Variants in TAFA2 observed in about 807,000 individuals in gnomAD.
TAFA2 encodes the protein chemokine-like protein TAFA-2.
A neutral mutation model predicts 18.8 loss-of-function variants in TAFA2; 7 were observed. The ratio of observed to expected loss-of-function variants is 0.37; its 90% CI spans 0.21 to 0.70. The LOEUF (loss-of-function observed/expected upper bound fraction) is 0.70. TAFA2 is among the 30% of genes least tolerant of loss of function. The pLI is 0.53. For synonymous variants in TAFA2, 60 were observed against 54.2 expected, an observed-to-expected ratio of 1.11 and a Z score of -0.47; for missense variants, 122 against 158.1, an observed-to-expected ratio of 0.77 and a Z score of 1.23.
chr12:62,212,747 C>T (rs760278603), intron 1 of TAFA2, among the ~76,000 whole-genome samples: 16 of 152,058 alleles, frequency 1.1e-4, no homozygotes, highest in Non-Finnish European at 2.2e-4. Context: ...ATTTGGCATT[C>T]TAAATTATCA....
At chr12:61,909,760 A>G (rs1342348530) in intron 1 of TAFA2, among the ~76,000 whole-genome samples, 1 of 152,172 alleles carries the variant, frequency 6.6e-6, no homozygotes. Context: ...ACAAATTAAG[A>G]GGCACCACAA....
chr12:61,809,247 A>G (rs950442923), intron 2 of TAFA2, among the ~76,000 whole-genome samples: 2 of 151,552 alleles, frequency 1.3e-5, no homozygotes, highest in African/African-American at 4.9e-5. Context: ...AGGCAAAATT[A>G]TTGAGCCATT....
chr12:61,819,965 T>A (rs1872251556), intron 2 of TAFA2, among the ~76,000 whole-genome samples: 1 of 152,112 alleles, frequency 6.6e-6, no homozygotes, highest in Admixed American at 6.6e-5. Flanking sequence ...TGTAGAATAA[T>A]AATGAAATTT....
intron 4 of TAFA2, among the ~76,000 whole-genome samples, chr12:61,731,066 G>A (rs1252745348): frequency 3.0e-4 from 46 of 152,216 alleles, no homozygotes; most frequent in South Asian, 1.9e-3. Context: ...GTGAGATAAA[G>A]TCAGAAATGG....
chr12:61,973,307 C>A (rs974656339), intron 1 of TAFA2, among the ~76,000 whole-genome samples: 1 of 151,292 alleles, frequency 6.6e-6, no homozygotes, highest in Non-Finnish European at 1.5e-5. Context: ...CATTTCATAT[C>A]ATATTTTAAT....
intron 1 of TAFA2, among the ~76,000 whole-genome samples, chr12:62,119,140 G>A (rs1039623917): frequency 1.3e-5 from 2 of 151,906 alleles, no homozygotes; most frequent in African/African-American, 4.8e-5. Flanking sequence ...CTAGTGTCAT[G>A]TTTTCATAGA....
At chr12:61,860,462 C>T (rs1052250640) in intron 2 of TAFA2, among the ~76,000 whole-genome samples, 20 of 152,100 alleles carry the variant, frequency 1.3e-4, no homozygotes, top group Admixed American at 1.2e-3. Context: ...GCAAGCCAGC[C>T]CAAGAGATCC....
At position 62,163,770 on chromosome 12, in the gene TAFA2, C is replaced by T. The variant is rs190571441; in HGVS notation, c.-2+27489G>A. 1.2e-3 allele frequency among the ~76,000 whole-genome samples: 188 copies of T among 151,954 alleles called. 3 individuals carry two copies. Among genetic ancestry groups the T allele is most frequent in the African/African-American group, 4.2e-3 (175 of 41,448 alleles). ...GTTTGTCTTCAAACTAATGTAAATCCCTCATTGGTTTATCCTAACTGCAAA... is the reference window on the plus strand; with the variant it reads ...GTTTGTCTTCAAACTAATGTAAATCTCTCATTGGTTTATCCTAACTGCAAA... On this transcript the variant is annotated intron_variant, in intron 1 of 4. Transcript: ENST00000416284.
chr12:62,051,185 C>T (rs948950008), intron 1 of TAFA2, among the ~76,000 whole-genome samples: 1 of 152,146 alleles, frequency 6.6e-6, no homozygotes, highest in South Asian at 2.1e-4. Flanking sequence ...AGTCTAATTA[C>T]CACTCTCCCA....
chr12:61,716,716 T>C lies in TAFA2; in HGVS notation c.385-6299A>G, dbSNP rs543242702. ...ATGCATTATGAACATTGCAGTCAAT[T>C]TCATTTTAAAAAGTTAAATTTTCAC... On this transcript the variant is annotated intron_variant, in intron 4 of 4. Coordinates refer to ENST00000416284, the MANE Select transcript of TAFA2 (RefSeq NM_178539.5). Among the ~76,000 whole-genome samples the C allele has an allele frequency of 1.6e-4, 25 of 152,290 alleles. No individual in the cohort carries two copies. In the East Asian group the frequency reaches 3.5e-3, roughly 21 times the overall value.
rs1185651509 is a variant in TAFA2, at chr12:62,151,153, T to G, written c.-2+40106A>C. 2.0e-5 allele frequency among the ~76,000 whole-genome samples: 3 copies of G among 152,336 alleles called. No individual in the cohort carries two copies. The East Asian group carries it at 5.8e-4, about 29-fold the overall frequency. On this transcript the variant is annotated intron_variant, in intron 1 of 4. Coordinates refer to ENST00000416284, the MANE Select transcript of TAFA2 (RefSeq NM_178539.5). ...ATTCACATCACCACCATCACCTTCT[T>G]TTAGGCAGGAAGGGTATTCTTCTTG...
chr12:61,917,624 G>A (rs558261489), intron 1 of TAFA2, among the ~76,000 whole-genome samples: 2 of 152,280 alleles, frequency 1.3e-5, no homozygotes, highest in East Asian at 3.9e-4. Context: ...TTGAAGGGAA[G>A]GAGTTGGTGG....
intron 1 of TAFA2, among the ~76,000 whole-genome samples, chr12:62,019,725 C>T (rs897950324): frequency 2.6e-4 from 39 of 151,164 alleles, no homozygotes; most frequent in Non-Finnish European, 4.0e-4. Context: ...TGTTAAATGA[C>T]GAGTTAATGG....
rs1565695275 is a variant in TAFA2 at position 61,955,660 on chromosome 12, TATATA to T, written c.-1-88239_-1-88235del. Among the ~76,000 whole-genome samples the T allele has an allele frequency of 1.3e-4, 14 of 110,868 alleles. 1 individual carries two copies. The highest frequency in any genetic ancestry group is 4.4e-4 in the African/African-American group (13 of 29,822). The allele number at this position is 110,868 out of a possible 152,430, so 72.7% of individuals were successfully genotyped here. A position where few individuals can be genotyped will look rare whatever the true frequency, so the allele number is the denominator to read the frequency against. On this transcript the variant is annotated intron_variant, in intron 1 of 4. Coordinates refer to ENST00000416284, the MANE Select transcript of TAFA2 (RefSeq NM_178539.5). ...ATATATATATATATATATATATATA[TATATA>T]TATATTTAATTTTAAAAATTAAATC...
intron 1 of TAFA2, among the ~76,000 whole-genome samples, chr12:62,137,065 A>G (rs993448948): frequency 6.6e-6 from 1 of 152,126 alleles, no homozygotes; most frequent in African/African-American, 2.4e-5. Flanking sequence ...TACAGGGAGA[A>G]AAAAGTACTA....
intron 1 of TAFA2, among the ~76,000 whole-genome samples, chr12:61,951,883 C>T (rs1424918587): frequency 1.1e-5 from 1 of 89,552 alleles, no homozygotes. Flanking sequence ...GAGCAATATT[C>T]ACTTAATTAA....
intron 1 of TAFA2, among the ~76,000 whole-genome samples, chr12:61,912,168 C>A (rs1213919659): frequency 6.6e-6 from 1 of 152,168 alleles, no homozygotes; most frequent in Non-Finnish European, 1.5e-5. Context: ...TAAGTAACAT[C>A]CTTAATGTGA....
intron 2 of TAFA2, among the ~76,000 whole-genome samples, chr12:61,847,289 G>T (rs762093756): frequency 3.9e-5 from 6 of 152,152 alleles, no homozygotes; most frequent in Admixed American, 1.3e-4. Flanking sequence ...TTTTTTCTTA[G>T]TTGAGGAGTT....
rs558036894 is a variant in TAFA2, at chr12:61,972,462, C to T, written c.-1-105036G>A. Among the ~76,000 whole-genome samples the T allele has an allele frequency of 2.0e-5, 3 of 151,622 alleles. No homozygotes were observed. The East Asian group carries it at 5.8e-4, about 30-fold the overall frequency. ...CTTGACCTTTCCAAAGTTTTATGAG[C>T]CCTAAGGCCTTGCATTAAAATCTTC... is the stretch of plus-strand genomic sequence containing the variant. On this transcript the variant is annotated intron_variant, in intron 1 of 4. Coordinates refer to ENST00000416284, the MANE Select transcript of TAFA2 (RefSeq NM_178539.5).
Sources: gnomAD v4.1 joint callset for allele counts (sites outside exome capture counted in the v4.1 genomes callset) on GRCh38, gnomAD v4.1.1 for gene constraint, MANE v1.5 for transcripts, NCBI Gene and HGNC (gene_info 2026-07-23, HGNC 2026-07-21) for gene names.